Variants in APBB1IP observed in about 807,000 individuals in gnomAD.
The protein encoded by APBB1IP is amyloid beta precursor protein binding family B member 1 interacting protein.
In APBB1IP, 27 loss-of-function variants were observed where a neutral mutation model predicts 64.9. The observed-to-expected ratio is 0.42, with a 90% confidence interval of 0.31 to 0.57. The LOEUF is 0.57. Among genes scored for constraint, APBB1IP ranks in the 20% least tolerant of loss-of-function variants. The probability of loss-of-function intolerance (pLI) is 0.20; values close to 1 mark genes in which losing one functional copy is unlikely to be tolerated. For synonymous variants in APBB1IP, 392 were observed against 331.0 expected (o/e 1.18, Z -2.00); for missense variants, 812 against 845.5 (o/e 0.96, Z 0.49).
At chr10:26,462,206 A>G (rs1835601485) in intron 2 of APBB1IP, among the ~76,000 whole-genome samples, 1 of 152,234 alleles carries the variant, frequency 6.6e-6, no homozygotes, top group South Asian at 2.1e-4. Flanking sequence ...AAAGTTTCCC[A>G]AGTCCTGCCA....
chr10:26,455,954 T>C (rs1835520155), intron 2 of APBB1IP, among the ~76,000 whole-genome samples: 1 of 152,228 alleles, frequency 6.6e-6, no homozygotes, highest in Admixed American at 6.5e-5. Context: ...TATTACATTT[T>C]GGATTGAACT....
intron 4 of APBB1IP, among the ~76,000 whole-genome samples, chr10:26,500,164 T>C (rs1177639154): frequency 6.9e-6 from 1 of 144,390 alleles, no homozygotes; most frequent in East Asian, 2.0e-4. Context: ...TGAGCCAAGA[T>C]CTCACTATGG....
intron 10 of APBB1IP, among the ~76,000 whole-genome samples, chr10:26,539,414 A>C (rs2132467869): frequency 6.6e-6 from 1 of 151,812 alleles, no homozygotes; most frequent in East Asian, 1.9e-4. Flanking sequence ...CCTGAAAAAA[A>C]AAAAAAGAAG....
intron 5 of APBB1IP, chr10:26,502,056 A>C (rs1322823891): frequency 1.3e-5 from 2 of 152,230 alleles, no homozygotes; most frequent in African/African-American, 4.8e-5. Flanking sequence ...GCACCCGCTG[A>C]AAGTAAACAA....
chr10:26,567,730 T>A lies in APBB1IP; in HGVS notation c.*242T>A. On this transcript the variant is annotated 3_prime_UTR_variant, in exon 15 of 15. Coordinates refer to ENST00000376236, the MANE Select transcript of APBB1IP (RefSeq NM_019043.4). ...AATGTATCTTCCCTTCCAAGCTGCCTAAAGCGCTGTTTTAGGTTCATTTAT... is the reference window on the plus strand; with the variant it reads ...AATGTATCTTCCCTTCCAAGCTGCCAAAAGCGCTGTTTTAGGTTCATTTAT... 2 of 914,616 alleles carry A rather than the reference T, an allele frequency of 2.2e-6. No homozygotes were observed. Among genetic ancestry groups the A allele is most frequent in the Non-Finnish European group, 2.9e-6 (2 of 696,134 alleles). The allele number at this position is 914,616 out of a possible 1,614,324, so 56.7% of individuals were successfully genotyped here.
intron 2 of APBB1IP, among the ~76,000 whole-genome samples, chr10:26,444,078 C>G (rs1194518957): frequency 6.6e-6 from 1 of 152,140 alleles, no homozygotes; most frequent in Non-Finnish European, 1.5e-5. Context: ...AGGCTGGGCC[C>G]TTTCGTTTGC....
chr10:26,560,344 G>T, intron 12 of APBB1IP, 141 bp downstream of exon 12: 1 of 736,436 alleles, frequency 1.4e-6, no homozygotes, highest in Non-Finnish European at 2.3e-6. Flanking sequence ...TCGCCCAGTG[G>T]GTTTTCTAAA....
rs549020640 is a variant in APBB1IP at position 26,544,632 on chromosome 10, G to A, written c.1155+2940G>A. 2.0e-5 allele frequency among the ~76,000 whole-genome samples: 3 copies of A among 152,270 alleles called. No homozygotes were observed. In the South Asian group the frequency reaches 6.2e-4, roughly 32 times the overall value. On this transcript the variant is annotated intron_variant, in intron 11 of 14. Transcript: ENST00000376236. ...GGGCTGGGGTCCAGAAGCCAGAGCAGGGGTGTCTGTCAAGAAAAAGACAAG... is the reference window on the plus strand; with the variant it reads ...GGGCTGGGGTCCAGAAGCCAGAGCAAGGGTGTCTGTCAAGAAAAAGACAAG...
chr10:26,541,927 A>G (rs1207722241), intron 11 of APBB1IP, among the ~76,000 whole-genome samples: 2 of 152,218 alleles, frequency 1.3e-5, no homozygotes, highest in African/African-American at 4.8e-5. Context: ...TCTGAAAATG[A>G]AAGTTCCACA....
rs1418517806 is a variant in APBB1IP at position 26,495,899 on chromosome 10, AT to A, written c.73-402del. Reference sequence around the variant, plus strand: ...TCATTACAGAATTTTATATATATATATTTATATAAATATATATTTTATATAA... The same window carrying A: ...TCATTACAGAATTTTATATATATATATTATATAAATATATATTTTATATAA... On this transcript the variant is annotated intron_variant, in intron 3 of 14. Coordinates refer to ENST00000376236, the MANE Select transcript of APBB1IP (RefSeq NM_019043.4). Among the ~76,000 whole-genome samples the A allele has an allele frequency of 2.9e-4, 42 of 143,212 alleles. No homozygotes were observed. In the East Asian group the frequency reaches 5.1e-3, roughly 17 times the overall value. 94.0% of individuals were successfully genotyped at this position (143,212 alleles called of 152,430 possible). A position where few individuals can be genotyped will look rare whatever the true frequency, so the allele number is the denominator to read the frequency against.
chr10:26,458,841 C>T (rs1381665941), intron 2 of APBB1IP, among the ~76,000 whole-genome samples: 10 of 151,974 alleles, frequency 6.6e-5, no homozygotes. Flanking sequence ...TTATTGTCTG[C>T]TTTCATTACT....
chr10:26,502,718 G>A (rs2132438943), intron 5 of APBB1IP, among the ~76,000 whole-genome samples: 1 of 152,016 alleles, frequency 6.6e-6, no homozygotes, highest in South Asian at 2.1e-4. Flanking sequence ...TAAAAAATTG[G>A]AAATCCCCAA....
chr10:26,461,179 AGAAG>A (rs2132406553), intron 2 of APBB1IP, among the ~76,000 whole-genome samples: 1 of 152,176 alleles, frequency 6.6e-6, no homozygotes, highest in South Asian at 2.1e-4. Context: ...AAAGAAGGAA[AGAAG>A]GAAGGAAGGG....
At chr10:26,552,262 G>C (rs1286380134) in intron 11 of APBB1IP, among the ~76,000 whole-genome samples, 2 of 152,114 alleles carry the variant, frequency 1.3e-5, no homozygotes. Flanking sequence ...TCACACTACT[G>C]CACTCCAGCC....
At chr10:26,505,315 A>C (rs1417784989) in intron 6 of APBB1IP, among the ~76,000 whole-genome samples, 2 of 152,126 alleles carry the variant, frequency 1.3e-5, no homozygotes, top group African/African-American at 4.8e-5. Flanking sequence ...GGTTCCACTC[A>C]TTCCAAACGT....
intron 2 of APBB1IP, among the ~76,000 whole-genome samples, chr10:26,482,935 A>C (rs1235328266): frequency 1.3e-5 from 2 of 151,350 alleles, no homozygotes; most frequent in Non-Finnish European, 2.9e-5. Flanking sequence ...AAAAAAAAAA[A>C]AAAAAATTAG....
intron 2 of APBB1IP, 36 bp downstream of exon 2, chr10:26,438,889 C>A (rs139471954): frequency 1.3e-5 from 2 of 152,248 alleles, no homozygotes; most frequent in Admixed American, 1.3e-4. Context: ...GCCCTGGGAG[C>A]GCCAGCACGG....
At chr10:26,511,230 A>G (rs1455895646) in intron 6 of APBB1IP, among the ~76,000 whole-genome samples, 1 of 152,110 alleles carries the variant, frequency 6.6e-6, no homozygotes, top group East Asian at 1.9e-4. Flanking sequence ...TGTAATCCCA[A>G]CTACTAGGAA....
At chr10:26,530,184 T>A (rs1836530777) in intron 8 of APBB1IP, among the ~76,000 whole-genome samples, 1 of 152,116 alleles carries the variant, frequency 6.6e-6, no homozygotes, top group African/African-American at 2.4e-5. Context: ...CACATTGCTG[T>A]GCTAGATTCT....
Sources: gnomAD v4.1 joint callset for allele counts (sites outside exome capture counted in the v4.1 genomes callset) on GRCh38, gnomAD v4.1.1 for gene constraint, MANE v1.5 for transcripts, NCBI Gene and HGNC (gene_info 2026-07-23, HGNC 2026-07-21) for gene names.